LPA: variants seen among roughly 807,000 people sequenced by gnomAD.
The protein encoded by LPA is lipoprotein(a), also known as apolipoprotein(a).
In LPA, 199 loss-of-function variants were observed where a neutral mutation model predicts 197.9. The observed-to-expected ratio is 1.01, with a 90% confidence interval of 0.90 to 1.13. LPA has a LOEUF of 1.13. Among genes scored for constraint, LPA ranks in the 50% most tolerant of loss-of-function variants. The probability of loss-of-function intolerance (pLI) is 0.00; values close to 1 mark genes in which losing one functional copy is unlikely to be tolerated. For synonymous variants in LPA, 715 were observed against 639.5 expected (o/e 1.12, Z -1.78); for missense variants, 1,853 against 1,785.8 (o/e 1.04, Z -0.68).
rs1778576766 is a variant in LPA at position 160,572,270 on chromosome 6, C to T, written c.4631+4866G>A. ...TGGTTGGAAATGCAGAAATGACCCA[C>T]CCTATGTGTTGATCTCACGGGGAGC... On this transcript the variant is annotated intron_variant, in intron 28 of 38. Transcript: ENST00000316300. Among the ~76,000 whole-genome samples the T allele has an allele frequency of 3.3e-5, 5 of 152,278 alleles. No homozygotes were observed. In the South Asian group the frequency reaches 1.0e-3, roughly 32 times the overall value.
intron 16 of LPA, among the ~76,000 whole-genome samples, chr6:160,608,355 G>C (rs1467624087): frequency 1.3e-5 from 2 of 152,102 alleles, no homozygotes; most frequent in Non-Finnish European, 2.9e-5. Flanking sequence ...TTTATTGCTG[G>C]ATTTAGCATT....
At chr6:160,615,380 G>GTGTGTGTGTGTC (rs1217041889) in intron 14 of LPA, among the ~76,000 whole-genome samples, 7 of 126,714 alleles carry the variant, frequency 5.5e-5, no homozygotes, top group South Asian at 5.5e-4. Context: ...GTGTGTGTGT[G>GTGTGTGTGTGTC]TGTGTAGCTC....
At chr6:160,565,652 C>T (rs1245701206) in intron 28 of LPA, among the ~76,000 whole-genome samples, 1 of 152,178 alleles carries the variant, frequency 6.6e-6, no homozygotes, top group Admixed American at 6.5e-5. Flanking sequence ...TCACGAGCAA[C>T]AGAACAAAGC....
At chr6:160,597,889 C>T (rs1009755406) in intron 20 of LPA, among the ~76,000 whole-genome samples, 1 of 152,204 alleles carries the variant, frequency 6.6e-6, no homozygotes, top group African/African-American at 2.4e-5. Flanking sequence ...AGCTCAGCAA[C>T]TTAACTTTGT....
At chr6:160,544,404 C>T (rs114159184) in intron 33 of LPA, among the ~76,000 whole-genome samples, 3,239 of 152,238 alleles carry the variant, frequency 0.021, 97 homozygotes, top group African/African-American at 0.073. Flanking sequence ...TCAACTCACA[C>T]TAAATCCAGA....
chr6:160,560,396 ACTC>A (rs1319291033), intron 28 of LPA, among the ~76,000 whole-genome samples: 1 of 151,954 alleles, frequency 6.6e-6, no homozygotes, highest in Non-Finnish European at 1.5e-5. Context: ...ACTAATTTAC[ACTC>A]CCACCAACAG....
intron 37 of LPA, among the ~76,000 whole-genome samples, chr6:160,533,442 T>C (rs984339661): frequency 3.9e-5 from 6 of 152,314 alleles, no homozygotes; most frequent in African/African-American, 1.4e-4. Context: ...GGAGGTTGTA[T>C]AGCTCAGCTT....
rs762751922 is a variant in LPA, at chr6:160,600,973, G to C, written c.3071C>G (p.Ala1024Gly). 5 of 1,613,868 alleles carry C rather than the reference G, an allele frequency of 3.1e-6. No individual in the cohort carries two copies. The Admixed American group carries it at 8.3e-5, about 27-fold the overall frequency. The stretch of plus-strand genomic sequence containing the variant: ...CAGAATAACATTCGGAGGGACGAAG[G>C]CAGTCCATTCTGCATCTGAGCATCG... ...LTRCSDAEWT[A>G]FVPPNVILAP... The change falls in exon 19 of 39, where the codon GCC becomes GGC. Residue 1024 changes from alanine to glycine, a missense_variant. Transcript: ENST00000316300.
intron 26 of LPA, among the ~76,000 whole-genome samples, chr6:160,581,473 T>A (rs551583851): frequency 9.2e-5 from 14 of 152,204 alleles, no homozygotes; most frequent in East Asian, 5.8e-4. Context: ...CTAATTTTTT[T>A]AAATATTTGT....
At chr6:160,552,484 G>T (rs79035557) in intron 30 of LPA, among the ~76,000 whole-genome samples, 2,846 of 152,160 alleles carry the variant, frequency 0.019, 72 homozygotes, top group Middle Eastern at 0.061. Flanking sequence ...AATATTTTTT[G>T]GTTTTGATAC....
chr6:160,605,062 C>G lies in LPA; in HGVS notation c.2929G>C (p.Ala977Pro). The change falls in exon 18 of 39, where the codon GCA becomes CCA. Residue 977 changes from alanine to proline, a missense_variant. This residue lies in a region of LPA where 1,737 missense variants were observed against 1,504.4 expected (regional missense o/e 1.15). Coordinates refer to ENST00000316300, the MANE Select transcript of LPA (RefSeq NM_005577.4). ...MTPHSHSRTPAYYPNAGLIKN... is the reference protein window; with the variant it reads ...MTPHSHSRTPPYYPNAGLIKN... ...TAGACATACGCATTTGGGTAGTATG[C>G]TGGGGTCCGACTATGCGAGTGTGGT... 6.2e-7 allele frequency: 1 copy of G among 1,613,766 alleles called. No individual in the cohort carries two copies. Among genetic ancestry groups the G allele is most frequent in the Non-Finnish European group, 8.5e-7 (1 of 1,179,774 alleles).
At chr6:160,602,992 C>T (rs1450628053) in intron 18 of LPA, among the ~76,000 whole-genome samples, 1 of 115,232 alleles carries the variant, frequency 8.7e-6, no homozygotes, top group African/African-American at 3.6e-5. Flanking sequence ...GTGAATCATA[C>T]AGTTTTTTTT....
intron 16 of LPA, among the ~76,000 whole-genome samples, chr6:160,610,023 C>T (rs1355380233): frequency 6.6e-6 from 1 of 152,076 alleles, no homozygotes; most frequent in Middle Eastern, 3.2e-3. Flanking sequence ...ATGATACCTG[C>T]TTTGTTGCAC....
At chr6:160,662,862 G>T (rs759220410) in intron 1 of LPA, among the ~76,000 whole-genome samples, 3 of 152,116 alleles carry the variant, frequency 2.0e-5, no homozygotes, top group Non-Finnish European at 4.4e-5. Flanking sequence ...TCCCTGCAGG[G>T]CAAGTTCATC....
intron 28 of LPA, among the ~76,000 whole-genome samples, chr6:160,571,967 G>A (rs1770266085): frequency 6.6e-6 from 1 of 152,238 alleles, no homozygotes; most frequent in Non-Finnish European, 1.5e-5. Context: ...CCAAATGCCA[G>A]CCCAGTTTTG....
intron 28 of LPA, among the ~76,000 whole-genome samples, chr6:160,571,196 T>A (rs1259302630): frequency 6.6e-6 from 1 of 152,340 alleles, no homozygotes; most frequent in South Asian, 2.1e-4. Context: ...GAAGTTCTCG[T>A]GCTGTGTTTT....
intron 23 of LPA, among the ~76,000 whole-genome samples, chr6:160,590,521 C>A (rs1205346348): frequency 6.6e-6 from 1 of 152,118 alleles, no homozygotes; most frequent in Non-Finnish European, 1.5e-5. Flanking sequence ...TCAAGGATGA[C>A]AGACTCAAAA....
chr6:160,557,629 A>G (rs1778287934), intron 28 of LPA, 58 bp from the exon 29 acceptor site: 1 of 1,446,292 alleles, frequency 6.9e-7, no homozygotes, highest in Non-Finnish European at 9.7e-7. Flanking sequence ...AGGGGCACCC[A>G]GCGCTGTCTA....
chr6:160,588,508 C>T (rs992614893), intron 24 of LPA, among the ~76,000 whole-genome samples: 1 of 152,172 alleles, frequency 6.6e-6, no homozygotes, highest in East Asian at 1.9e-4. Flanking sequence ...CTCCATTGAG[C>T]TTACTGTTCC....
Sources: gnomAD v4.1 joint callset for allele counts (sites outside exome capture counted in the v4.1 genomes callset) on GRCh38, gnomAD v4.1.1 for gene constraint, gnomAD v4.1.1 regional missense constraint, MANE v1.5 for transcripts, NCBI Gene and HGNC (gene_info 2026-07-23, HGNC 2026-07-21) for gene names.